The following BLOC1S5 variants were observed in gnomAD, a reference collection of about 807,000 sequenced individuals.
BLOC1S5 encodes biogenesis of lysosomal organelles complex 1 subunit 5.
In BLOC1S5, 27 loss-of-function variants were observed where a neutral mutation model predicts 24.3. That is an observed-to-expected ratio of 1.11 (90% CI 0.82 to 1.53). The LOEUF (loss-of-function observed/expected upper bound fraction) is 1.53, where lower values mean the gene tolerates loss of function less well. BLOC1S5 is among the 40% of genes most tolerant of loss of function. BLOC1S5 has a pLI of 0.00. For missense variants in BLOC1S5, 239 were observed against 229.4 expected (o/e 1.04, Z -0.27); for synonymous variants, 84 against 74.5 (o/e 1.13, Z -0.66).
At chr6:8,046,858 C>G (rs1763917034) in intron 2 of BLOC1S5, among the ~76,000 whole-genome samples, 1 of 152,050 alleles carries the variant, frequency 6.6e-6, no homozygotes, top group Non-Finnish European at 1.5e-5. Context: ...TCACTGCAGC[C>G]TTGAACTCCT....
Position 8,015,485 on chromosome 6 carries a change from A to C in BLOC1S5, c.*164T>G. ...TGGAAAAATGTGGCACCCTTCTTTA[A>C]ATATCCAATCAGAATGCCAGTAGAA... On this transcript the variant is annotated 3_prime_UTR_variant, in exon 5 of 5. Transcript: ENST00000397457. 4 of 662,890 alleles carry C rather than the reference A, an allele frequency of 6.0e-6. No homozygotes were observed. The highest frequency in any genetic ancestry group is 9.6e-6 in the Non-Finnish European group (4 of 415,980). The allele number at this position is 662,890 out of a possible 1,614,324, so 41.1% of individuals were successfully genotyped here. A position where few individuals can be genotyped will look rare whatever the true frequency, so the allele number is the denominator to read the frequency against.
intron 2 of BLOC1S5, among the ~76,000 whole-genome samples, chr6:8,052,867 C>T (rs1764167769): frequency 6.8e-6 from 1 of 147,472 alleles, no homozygotes; most frequent in Non-Finnish European, 1.5e-5. Context: ...TGCACCACTC[C>T]AGCCCGGGCA....
chr6:8,034,332 G>A (rs1009857501), intron 3 of BLOC1S5, among the ~76,000 whole-genome samples: 1 of 152,116 alleles, frequency 6.6e-6, no homozygotes, highest in Non-Finnish European at 1.5e-5. Flanking sequence ...CTTTGCAGGG[G>A]CATGGATGAA....
intron 4 of BLOC1S5, 74 bp from the exon 5 acceptor site, chr6:8,015,902 G>A (rs1052513966): frequency 7.4e-6 from 10 of 1,344,872 alleles, no homozygotes; most frequent in Non-Finnish European, 1.0e-5. Flanking sequence ...CTTGATACTT[G>A]GTTACCGTAA....
At chr6:8,030,876 A>AAAAAAAAAAAT (rs1298933858) in intron 3 of BLOC1S5, among the ~76,000 whole-genome samples, 3 of 151,794 alleles carry the variant, frequency 2.0e-5, no homozygotes, top group Non-Finnish European at 4.4e-5. Context: ...AAAAAAAAAA[A>AAAAAAAAAAAT]ATCACATGAT....
chr6:8,040,230 G>A (rs1763631664), intron 3 of BLOC1S5, among the ~76,000 whole-genome samples: 1 of 151,958 alleles, frequency 6.6e-6, no homozygotes, highest in African/African-American at 2.4e-5. Flanking sequence ...TATAAATTTC[G>A]GTTTTCTCAA....
chr6:8,050,851 C>T (rs1437729633), intron 2 of BLOC1S5, among the ~76,000 whole-genome samples: 6 of 151,836 alleles, frequency 4.0e-5, no homozygotes, highest in African/African-American at 9.7e-5. Flanking sequence ...GTGATCTGCC[C>T]GCCTCGGCCT....
intron 3 of BLOC1S5, among the ~76,000 whole-genome samples, chr6:8,028,238 GAGA>G (rs543666597): frequency 6.9e-4 from 105 of 152,116 alleles, no homozygotes; most frequent in Middle Eastern, 3.4e-3. Context: ...TATGGTAAAA[GAGA>G]AGAATTTTGT....
At chr6:8,044,283 C>CAA (rs1175141654) in intron 2 of BLOC1S5, among the ~76,000 whole-genome samples, 31,165 of 88,682 alleles carry the variant, frequency 0.35, 6,709 homozygotes, top group East Asian at 0.79. Flanking sequence ...GACTCTGTCT[C>CAA]AAAAAAAAAA....
Position 8,015,590 on chromosome 6 carries a change from GT to G in BLOC1S5, c.*58del. 1 of 1,532,366 alleles carries G rather than the reference GT, an allele frequency of 6.5e-7. No individual in the cohort carries two copies. Among genetic ancestry groups the G allele is most frequent in the Non-Finnish European group, 8.9e-7 (1 of 1,125,764 alleles). 94.9% of individuals were successfully genotyped at this position (1,532,366 alleles called of 1,614,324 possible). A position where few individuals can be genotyped will look rare whatever the true frequency, so the allele number is the denominator to read the frequency against. ...GAGGCTAAACGGTCTGGTGGGAATA[GT>G]TTTCAGGAGAGAGGTGAACATCTTC... On this transcript the variant is annotated 3_prime_UTR_variant, in exon 5 of 5. Transcript: ENST00000397457.
intron 2 of BLOC1S5, among the ~76,000 whole-genome samples, chr6:8,062,080 AG>A (rs1427467186): frequency 6.6e-6 from 1 of 152,230 alleles, no homozygotes; most frequent in Non-Finnish European, 1.5e-5. Context: ...GTAAACATCT[AG>A]GTAACGTCTA....
At chr6:8,017,411 C>CACAT (rs1160065043) in intron 4 of BLOC1S5, among the ~76,000 whole-genome samples, 1 of 152,026 alleles carries the variant, frequency 6.6e-6, no homozygotes, top group African/African-American at 2.4e-5. Flanking sequence ...CACACACCTA[C>CACAT]AAAGCACCCG....
chr6:8,050,036 C>T (rs1310947654), intron 2 of BLOC1S5, among the ~76,000 whole-genome samples: 1 of 152,120 alleles, frequency 6.6e-6, no homozygotes, highest in Non-Finnish European at 1.5e-5. Context: ...TAAGTGTACG[C>T]AAGCATACCT....
chr6:8,021,470 G>T (rs907678635), intron 4 of BLOC1S5, among the ~76,000 whole-genome samples: 1 of 152,114 alleles, frequency 6.6e-6, no homozygotes, highest in Admixed American at 6.5e-5. Flanking sequence ...ATGATGGCGG[G>T]CACCTGTTGT....
intron 3 of BLOC1S5, among the ~76,000 whole-genome samples, chr6:8,039,691 C>A (rs1763614444): frequency 6.6e-6 from 1 of 152,006 alleles, no homozygotes. Context: ...CGAATGCTCA[C>A]TCATTCATTT....
intron 2 of BLOC1S5, among the ~76,000 whole-genome samples, chr6:8,047,674 T>C (rs1290639417): frequency 6.6e-6 from 1 of 152,242 alleles, no homozygotes; most frequent in Non-Finnish European, 1.5e-5. Context: ...CCACAGTCTG[T>C]TGTTTGCTGA....
At chr6:8,050,897 G>A (rs1053833228) in intron 2 of BLOC1S5, among the ~76,000 whole-genome samples, 2 of 151,966 alleles carry the variant, frequency 1.3e-5, no homozygotes, top group African/African-American at 2.4e-5. Flanking sequence ...GAGCAACTGT[G>A]CCCAGTGGAA....
Position 8,014,788 on chromosome 6 carries a change from T to C in BLOC1S5, c.*861A>G, listed in dbSNP as rs889811449. ...CAGAGGGACTCTCTGGCAGATTTTG[T>C]TGATTACTCATTAAACAGTCGAAAC... On this transcript the variant is annotated 3_prime_UTR_variant, in exon 5 of 5. Coordinates refer to ENST00000397457, the MANE Select transcript of BLOC1S5 (RefSeq NM_201280.3). 1 of 152,320 alleles carries C rather than the reference T, an allele frequency of 6.6e-6. No individual in the cohort carries two copies. Among genetic ancestry groups the C allele is most frequent in the Non-Finnish European group, 1.5e-5 (1 of 68,050 alleles). The allele number at this position is 152,320 out of a possible 1,614,324, so 9.4% of individuals were successfully genotyped here.
chr6:8,034,063 C>T (rs1763399856), intron 3 of BLOC1S5, among the ~76,000 whole-genome samples: 1 of 152,218 alleles, frequency 6.6e-6, no homozygotes, highest in African/African-American at 2.4e-5. Context: ...TTGTGGAAGA[C>T]AGTGTGGTGA....
Sources: gnomAD v4.1 joint callset for allele counts (sites outside exome capture counted in the v4.1 genomes callset) on GRCh38, gnomAD v4.1.1 for gene constraint, MANE v1.5 for transcripts, NCBI Gene and HGNC (gene_info 2026-07-23, HGNC 2026-07-21) for gene names.